Variants in CCDC88C observed in about 807,000 individuals in gnomAD.
The protein encoded by CCDC88C is protein Daple.
A neutral mutation model predicts 198.8 loss-of-function variants in CCDC88C; 131 were observed. That is an observed-to-expected ratio of 0.66 (90% CI 0.57 to 0.76). CCDC88C has a LOEUF of 0.76. CCDC88C is among the 30% of genes least tolerant of loss of function. The pLI is 0.00. For missense variants in CCDC88C, 2,553 were observed against 2,631.6 expected, an observed-to-expected ratio of 0.97 and a Z score of 0.65; for synonymous variants, 1,166 against 1,114.7, an observed-to-expected ratio of 1.05 and a Z score of -0.92.
intron 18 of CCDC88C, among the ~76,000 whole-genome samples, chr14:91,306,337 T>G (rs1280814271): frequency 6.6e-6 from 1 of 152,088 alleles, no homozygotes; most frequent in Non-Finnish European, 1.5e-5. Context: ...TACTCAGAGG[T>G]GACAGCAAGT....
In CCDC88C at chr14:91,302,590, A is replaced by G. The variant is rs538821048; in HGVS notation, c.3635+1111T>C. Among the ~76,000 whole-genome samples, 13 of 152,300 alleles carry G rather than the reference A, an allele frequency of 8.5e-5. No homozygotes were observed. In the East Asian group the frequency reaches 1.9e-3, roughly 23 times the overall value. ...GAACTGTCAAGAGTGCAAAGTTAAG[A>G]TGTGTGCATTTCAATGTAAGTTTTA... On this transcript the variant is annotated intron_variant, in intron 20 of 29. Transcript: ENST00000389857.
intron 3 of CCDC88C, among the ~76,000 whole-genome samples, chr14:91,397,771 T>TG (rs1885939058): frequency 1.3e-5 from 2 of 152,258 alleles, no homozygotes; most frequent in South Asian, 2.1e-4. Flanking sequence ...CACTCCCAGC[T>TG]GGGGGGCACA....
chr14:91,357,440 C>G (rs529212560), intron 4 of CCDC88C, among the ~76,000 whole-genome samples: 1 of 152,310 alleles, frequency 6.6e-6, no homozygotes, highest in Admixed American at 6.5e-5. Flanking sequence ...TTTTGTAGAA[C>G]TAGTGTCTCG....
chr14:91,333,143 A>G (rs1342199860), intron 10 of CCDC88C, among the ~76,000 whole-genome samples: 2 of 152,238 alleles, frequency 1.3e-5, no homozygotes, highest in African/African-American at 4.8e-5. Flanking sequence ...ACGTATGTGC[A>G]TCTCTTTTGG....
intron 3 of CCDC88C, among the ~76,000 whole-genome samples, chr14:91,392,785 A>ACTCTCACCACG (rs1885593634): frequency 6.8e-6 from 1 of 147,314 alleles, no homozygotes; most frequent in African/African-American, 2.7e-5. Flanking sequence ...CTCTCACTGC[A>ACTCTCACCACG]CCCCTCACTC....
intron 29 of CCDC88C, among the ~76,000 whole-genome samples, chr14:91,277,682 G>A (rs1274191409): frequency 6.6e-6 from 1 of 152,184 alleles, no homozygotes; most frequent in African/African-American, 2.4e-5. Context: ...CCCTTGGTGC[G>A]GGCCACAAGC....
intron 13 of CCDC88C, 49 bp downstream of exon 13, chr14:91,321,071 G>A (rs1239074144): frequency 1.3e-6 from 2 of 1,516,708 alleles, no homozygotes; most frequent in South Asian, 2.6e-5. Flanking sequence ...GGATGGGAGG[G>A]TGCCCAAGGG....
In CCDC88C at chr14:91,289,167, G is replaced by T. The variant is rs1170345068; in HGVS notation, c.4379C>A (p.Thr1460Asn). The part of the protein sequence containing the change: ...PLRSQAENPD[T>N]PALGSNCAEE... ...TGCACAGTTGGAGCCCAGTGCGGGG[G>T]TGTCGGGGTTCTCGGCCTGTGATCT... The change falls in exon 25 of 30, where the codon ACC becomes AAC. Residue 1460 changes from threonine to asparagine, a missense_variant. Thr to Asn is a moderately conservative substitution (Grantham distance 65, BLOSUM62 0). Around this residue, in one of 2 missense-constraint regions of CCDC88C, gnomAD observed 1,293 missense variants for 1,219.6 expected, o/e 1.06. Transcript: ENST00000389857. 6.2e-7 allele frequency: 1 copy of T among 1,613,830 alleles called. No individual in the cohort carries two copies. Among genetic ancestry groups the T allele is most frequent in the East Asian group, 2.2e-5 (1 of 44,870 alleles).
At chr14:91,413,020 T>C (rs1481203131) in intron 2 of CCDC88C, among the ~76,000 whole-genome samples, 1 of 152,184 alleles carries the variant, frequency 6.6e-6, no homozygotes, top group Non-Finnish European at 1.5e-5. Context: ...GTTTCTAACC[T>C]ATGAATAATT....
At position 91,285,827 on chromosome 14, in the gene CCDC88C, C is replaced by A. The variant is rs772521813; in HGVS notation, c.4442-2310G>T. Reference sequence around the variant, plus strand: ...GCTTTTCAAAAAGGGACTCTTTTTGCGCGGAGGTGCTAAATTGTTATCAAT... The same window carrying A: ...GCTTTTCAAAAAGGGACTCTTTTTGAGCGGAGGTGCTAAATTGTTATCAAT... On this transcript the variant is annotated intron_variant, in intron 25 of 29. Coordinates refer to ENST00000389857, the MANE Select transcript of CCDC88C (RefSeq NM_001080414.4). The A allele has an allele frequency of 1.9e-5, 25 of 1,287,170 alleles. No individual in the cohort carries two copies. In the East Asian group the frequency reaches 1.3e-3, roughly 66 times the overall value. The allele number at this position is 1,287,170 out of a possible 1,614,324, so 79.7% of individuals were successfully genotyped here.
chr14:91,375,272 T>TGC (rs149000259), intron 3 of CCDC88C, among the ~76,000 whole-genome samples: 6 of 152,004 alleles, frequency 3.9e-5, no homozygotes, highest in East Asian at 1.9e-4. Context: ...TGTGTGTGTG[T>TGC]GCGCGCGCGC....
In CCDC88C at chr14:91,273,521, G is replaced by C; in HGVS notation, c.5191C>G (p.Pro1731Ala). Residue 1731 changes from proline (P) to alanine (A), a missense_variant, in exon 30 of 30, where the codon CCC becomes GCC. Physicochemically the swap from Pro to Ala is conservative, Grantham distance 27. Around this residue, in one of 2 missense-constraint regions of CCDC88C, gnomAD observed 1,293 missense variants for 1,219.6 expected, o/e 1.06. Transcript: ENST00000389857. This position sits in a 1 kb window ranked among gnomAD's most constrained non-coding sequence, Gnocchi z 5.6. Reference protein sequence around the residue: ...GAKMPTNFVAPTVKMAAPTSE... With the variant: ...GAKMPTNFVAATVKMAAPTSE... The stretch of plus-strand genomic sequence containing the variant: ...GTGGGGGCGGCCATTTTGACGGTGG[G>C]GGCCACAAAGTTGGTGGGCATCTTG... The C allele has an allele frequency of 1.3e-6, 2 of 1,534,952 alleles. No homozygotes were observed. The highest frequency in any genetic ancestry group is 1.8e-6 in the Non-Finnish European group (2 of 1,140,790).
chr14:91,362,142 G>A (rs1471037323), intron 3 of CCDC88C, among the ~76,000 whole-genome samples: 2 of 151,820 alleles, frequency 1.3e-5, no homozygotes, highest in African/African-American at 4.8e-5. Flanking sequence ...GCTGAGGCAG[G>A]AGAATTGCTT....
intron 3 of CCDC88C, chr14:91,379,978 TTG>T: frequency 1.4e-6 from 1 of 692,688 alleles, no homozygotes; most frequent in Non-Finnish European, 2.6e-6. Flanking sequence ...GGTAAAACTG[TTG>T]GGAACTGCGC....
chr14:91,389,811 G>A (rs976023188), intron 3 of CCDC88C, among the ~76,000 whole-genome samples: 3 of 151,206 alleles, frequency 2.0e-5, no homozygotes, highest in Admixed American at 6.6e-5. Flanking sequence ...GGTGGCTCAC[G>A]CCTGTAATCC....
At chr14:91,390,145 T>C (rs2139976003) in intron 3 of CCDC88C, among the ~76,000 whole-genome samples, 1 of 151,448 alleles carries the variant, frequency 6.6e-6, no homozygotes, top group South Asian at 2.1e-4. Context: ...TCCTGCTCAA[T>C]GAGCCATGGT....
intron 20 of CCDC88C, among the ~76,000 whole-genome samples, chr14:91,301,241 T>C (rs1287340463): frequency 1.3e-5 from 2 of 152,210 alleles, no homozygotes; most frequent in South Asian, 2.1e-4. Flanking sequence ...TTGTGTGCCA[T>C]GTACCTACAC....
chr14:91,393,666 C>A (rs1451027298), intron 3 of CCDC88C, among the ~76,000 whole-genome samples: 1 of 152,206 alleles, frequency 6.6e-6, no homozygotes, highest in Non-Finnish European at 1.5e-5. Flanking sequence ...CCAGCCTGTC[C>A]AACATGGTGA....
At chr14:91,319,786 G>C (rs2139818012) in intron 13 of CCDC88C, among the ~76,000 whole-genome samples, 1 of 152,258 alleles carries the variant, frequency 6.6e-6, no homozygotes, top group East Asian at 1.9e-4. Flanking sequence ...AGCATTTTGG[G>C]AGGCCGAGGC....
Sources: gnomAD v4.1 joint callset for allele counts (sites outside exome capture counted in the v4.1 genomes callset) on GRCh38, gnomAD v4.1.1 for gene constraint, gnomAD v4.1.1 regional missense constraint, Gnocchi (gnomAD v3.1) non-coding constraint, MANE v1.5 for transcripts, NCBI Gene and HGNC (gene_info 2026-07-23, HGNC 2026-07-21) for gene names.